The following KCNIP4 variants were observed in gnomAD, a reference collection of about 807,000 sequenced individuals.
The protein encoded by KCNIP4 is potassium voltage-gated channel interacting protein 4.
KCNIP4 carries 12 observed loss-of-function variants against 34.0 expected under a neutral mutation model. The observed-to-expected ratio is 0.35, with a 90% confidence interval of 0.23 to 0.57. The LOEUF (loss-of-function observed/expected upper bound fraction) is 0.57, where lower values mean the gene tolerates loss of function less well. KCNIP4 is among the 20% of genes least tolerant of loss of function. KCNIP4 has a pLI of 0.83. For synonymous variants in KCNIP4, 124 were observed against 102.2 expected (o/e 1.21, Z -1.29); for missense variants, 238 against 311.7 (o/e 0.76, Z 1.78).
At chr4:21,340,135 T>C (rs558520924) in intron 1 of KCNIP4, among the ~76,000 whole-genome samples, 6 of 152,130 alleles carry the variant, frequency 3.9e-5, no homozygotes, top group Non-Finnish European at 8.8e-5. Flanking sequence ...GCAATGTTAA[T>C]CATCATTTTT....
In KCNIP4 at chr4:21,448,596, C is replaced by A. The variant is rs907537478; in HGVS notation, c.61+499975G>T. Among the ~76,000 whole-genome samples the A allele has an allele frequency of 2.0e-5, 3 of 151,942 alleles. 1 individual carries two copies. Among genetic ancestry groups the A allele is most frequent in the South Asian group, 4.1e-4 (2 of 4,822 alleles). On this transcript the variant is annotated intron_variant, in intron 1 of 8. Coordinates refer to ENST00000382152, the MANE Select transcript of KCNIP4 (RefSeq NM_025221.6). ...GAAGAAACTGTTAAGCAAAAAGAAA[C>A]CAATAGCAGATGATTCAGGAAATTC...
At chr4:21,340,127 A>C (rs1441000303) in intron 1 of KCNIP4, among the ~76,000 whole-genome samples, 1 of 152,168 alleles carries the variant, frequency 6.6e-6, no homozygotes, top group Non-Finnish European at 1.5e-5. Context: ...ATGAAAAGGC[A>C]ATGTTAATCA....
intron 1 of KCNIP4, among the ~76,000 whole-genome samples, chr4:21,082,669 A>G (rs1262886358): frequency 1.3e-5 from 2 of 151,818 alleles, no homozygotes; most frequent in Non-Finnish European, 2.9e-5. Flanking sequence ...TAAGGGCAAT[A>G]TCAGAAATGA....
intron 1 of KCNIP4, among the ~76,000 whole-genome samples, chr4:21,643,913 T>TAGATAGATAGATAGAC (rs1246507943): frequency 7.1e-6 from 1 of 141,050 alleles, no homozygotes; most frequent in East Asian, 3.3e-4. Context: ...GATAGATAGA[T>TAGATAGATAGATAGAC]AGACTGGCAG....
chr4:21,804,226 T>C (rs1018554397), intron 1 of KCNIP4, among the ~76,000 whole-genome samples: 3 of 152,188 alleles, frequency 2.0e-5, no homozygotes, highest in African/African-American at 4.8e-5. Context: ...GCTAAAATGA[T>C]GGTAAAGAAA....
intron 1 of KCNIP4, among the ~76,000 whole-genome samples, chr4:21,634,246 A>C (rs910743802): frequency 0.025 from 3,444 of 139,872 alleles, 39 homozygotes; most frequent in Non-Finnish European, 0.04. Context: ...AAAAAAAAAA[A>C]ACACATACAT....
intron 1 of KCNIP4, among the ~76,000 whole-genome samples, chr4:21,907,003 A>T (rs1728041935): frequency 6.6e-6 from 1 of 152,186 alleles, no homozygotes; most frequent in Non-Finnish European, 1.5e-5. Context: ...AGTATATCAC[A>T]ATTCCTTTAT....
intron 1 of KCNIP4, among the ~76,000 whole-genome samples, chr4:21,921,182 G>T (rs185712929): frequency 2.0e-5 from 3 of 152,038 alleles, no homozygotes; most frequent in Admixed American, 2.0e-4. Flanking sequence ...AGTAGCATTT[G>T]ACTCAGCTGT....
intron 1 of KCNIP4, among the ~76,000 whole-genome samples, chr4:20,921,538 T>C (rs183147595): frequency 6.6e-6 from 1 of 152,334 alleles, no homozygotes; most frequent in East Asian, 1.9e-4. Context: ...TTACTTTTTA[T>C]TAAACAAAAT....
chr4:21,753,120 G>A (rs1423248040), intron 1 of KCNIP4, among the ~76,000 whole-genome samples: 14 of 152,100 alleles, frequency 9.2e-5, no homozygotes, highest in Admixed American at 2.6e-4. Flanking sequence ...TTAAATATCT[G>A]GCATGTTTGA....
intron 3 of KCNIP4, among the ~76,000 whole-genome samples, chr4:20,761,891 C>T (rs986169475): frequency 1.3e-5 from 2 of 152,122 alleles, no homozygotes; most frequent in African/African-American, 2.4e-5. Context: ...ATATTCATTA[C>T]ATTAGTTTAC....
At chr4:21,104,859 C>A in intron 1 of KCNIP4, among the ~76,000 whole-genome samples, 1 of 151,628 alleles carries the variant, frequency 6.6e-6, no homozygotes, top group Admixed American at 6.6e-5. Flanking sequence ...GGAATCCTTT[C>A]CCCATTGCTT....
intron 1 of KCNIP4, among the ~76,000 whole-genome samples, chr4:21,692,043 G>A (rs545030094): frequency 2.0e-5 from 3 of 152,094 alleles, no homozygotes; most frequent in Non-Finnish European, 4.4e-5. Context: ...TTTAGACCTC[G>A]TGAAACATGT....
chr4:21,177,200 C>A (rs1455294216), intron 1 of KCNIP4, among the ~76,000 whole-genome samples: 1 of 152,082 alleles, frequency 6.6e-6, no homozygotes, highest in Middle Eastern at 3.2e-3. Flanking sequence ...TTAAAAAAAT[C>A]TGGCCCGTGG....
intron 1 of KCNIP4, among the ~76,000 whole-genome samples, chr4:21,898,508 C>T (rs1428234229): frequency 6.6e-6 from 1 of 152,094 alleles, no homozygotes. Flanking sequence ...GCCTTAGCTC[C>T]CCAATAACAT....
At chr4:21,283,751 G>A (rs1290363541) in intron 1 of KCNIP4, among the ~76,000 whole-genome samples, 3 of 151,164 alleles carry the variant, frequency 2.0e-5, no homozygotes, top group Admixed American at 2.0e-4. Context: ...GTATACATAT[G>A]TAACAAGCCT....
chr4:21,660,151 A>G (rs910985408), intron 1 of KCNIP4, among the ~76,000 whole-genome samples: 2 of 152,164 alleles, frequency 1.3e-5, no homozygotes, highest in South Asian at 4.2e-4. Context: ...TATCTTCCCT[A>G]TCCTGTGTAC....
chr4:20,815,062 G>A (rs1560485685), intron 3 of KCNIP4, among the ~76,000 whole-genome samples: 1 of 152,096 alleles, frequency 6.6e-6, no homozygotes, highest in Non-Finnish European at 1.5e-5. Context: ...ATGAATGGTA[G>A]TTAAAATGAT....
At chr4:21,611,578 G>A (rs765447545) in intron 1 of KCNIP4, among the ~76,000 whole-genome samples, 1 of 152,156 alleles carries the variant, frequency 6.6e-6, no homozygotes, top group Non-Finnish European at 1.5e-5. Context: ...TAACATTGAT[G>A]AAGACAAATA....
Sources: allele counts gnomAD v4.1 joint callset (sites outside exome capture counted in the v4.1 genomes callset), GRCh38; gene constraint gnomAD v4.1.1; transcripts MANE v1.5; gene names NCBI Gene and HGNC (gene_info 2026-07-23, HGNC 2026-07-21).